SAMD3: variants seen among roughly 807,000 people sequenced by gnomAD.
SAMD3 encodes the protein sterile alpha motif domain-containing protein 3.
In SAMD3, 63 loss-of-function variants were observed where a neutral mutation model predicts 58.5. The ratio of observed to expected loss-of-function variants is 1.08; its 90% CI spans 0.88 to 1.33. The LOEUF (loss-of-function observed/expected upper bound fraction) is 1.33. Among genes scored for constraint, SAMD3 ranks in the 40% most tolerant of loss-of-function variants. SAMD3 has a pLI of 0.00. For missense variants in SAMD3, 604 were observed against 608.4 expected, an observed-to-expected ratio of 0.99 and a Z score of 0.08; for synonymous variants, 220 against 210.3, an observed-to-expected ratio of 1.05 and a Z score of -0.40.
chr6:130,174,464 C>T (rs982599014), intron 8 of SAMD3, among the ~76,000 whole-genome samples: 1 of 152,186 alleles, frequency 6.6e-6, no homozygotes, highest in Admixed American at 6.5e-5. Flanking sequence ...CCTCACCCAG[C>T]TTCTGTTCAT....
At chr6:130,226,600 G>A (rs900302105), upstream of SAMD3, among the ~76,000 whole-genome samples, 3 of 152,198 alleles carry the variant, frequency 2.0e-5, no homozygotes, top group African/African-American at 4.8e-5. Context: ...GCCAAGGCGG[G>A]TGCATCACCT....
chr6:130,365,522 C>A, upstream of SAMD3: 1 of 985,348 alleles, frequency 1.0e-6, no homozygotes, highest in Middle Eastern at 5.2e-4. Flanking sequence ...GTCCGAGGGG[C>A]GTGGAGCCAG....
At chr6:130,254,542 T>G (rs779029063) in intron 2 of SAMD3, among the ~76,000 whole-genome samples, 5 of 152,128 alleles carry the variant, frequency 3.3e-5, no homozygotes, top group South Asian at 2.1e-4. Context: ...TTGCCCAGGC[T>G]GGTCTCAAAT....
At chr6:130,238,840 C>A (rs181069982) in intron 2 of SAMD3, among the ~76,000 whole-genome samples, 312 of 152,244 alleles carry the variant, frequency 2.0e-3, no homozygotes, top group African/African-American at 6.6e-3. Context: ...CTCACTGCAA[C>A]CTGTGCCTCC....
rs542087823 is a variant in SAMD3 at position 130,209,510 on chromosome 6, C to T, written c.368G>A (p.Arg123Lys). 8 of 1,606,826 alleles carry T rather than the reference C, an allele frequency of 5.0e-6. No individual in the cohort carries two copies. The highest frequency in any genetic ancestry group is 1.7e-4 in the Middle Eastern group (1 of 5,994). Reference sequence around the variant, plus strand: ...GTACCCCCACCTCTGTTTCAATACTCTTTGGTCAATTAGTCCATTATCAAG... The same window carrying T: ...GTACCCCCACCTCTGTTTCAATACTTTTTGGTCAATTAGTCCATTATCAAG... ...ENLDNGLIDQ[R>K]VLKQRRNVKQ... Residue 123 changes from arginine to lysine, a missense_variant, in exon 5 of 12, where the codon AGA (arginine) becomes AAA (lysine). Physicochemically the swap from Arg to Lys is conservative, Grantham distance 26. Transcript: ENST00000439090.
chr6:130,190,773 A>C (rs1439000343), intron 5 of SAMD3, among the ~76,000 whole-genome samples: 1 of 152,068 alleles, frequency 6.6e-6, no homozygotes, highest in Non-Finnish European at 1.5e-5. Flanking sequence ...TCCATCATCC[A>C]ATTTTACATA....
chr6:130,362,740 G>C (rs11154573), intron 1 of SAMD3, among the ~76,000 whole-genome samples: 1 of 151,968 alleles, frequency 6.6e-6, no homozygotes, highest in Non-Finnish European at 1.5e-5. Context: ...TTAAGTAGTC[G>C]TATCAGCCTC....
chr6:130,279,781 G>A (rs776922065), intron 2 of SAMD3, among the ~76,000 whole-genome samples: 6 of 152,034 alleles, frequency 3.9e-5, no homozygotes, highest in Non-Finnish European at 5.9e-5. Flanking sequence ...CACTGTGCCT[G>A]GCCTAAACCT....
At chr6:130,165,914 A>T (rs1194751361) in intron 8 of SAMD3, among the ~76,000 whole-genome samples, 1 of 152,134 alleles carries the variant, frequency 6.6e-6, no homozygotes, top group African/African-American at 2.4e-5. Flanking sequence ...ACATCGAGCT[A>T]TGATGACATG....
At chr6:130,158,130 C>CA (rs1439489894) in intron 8 of SAMD3, among the ~76,000 whole-genome samples, 5 of 152,128 alleles carry the variant, frequency 3.3e-5, no homozygotes, top group Non-Finnish European at 2.9e-5. Flanking sequence ...CATCTTTCTC[C>CA]AAGTAGAGCT....
At chr6:130,255,364 T>C (rs1296168158) in intron 2 of SAMD3, among the ~76,000 whole-genome samples, 1 of 152,222 alleles carries the variant, frequency 6.6e-6, no homozygotes, top group African/African-American at 2.4e-5. Context: ...ATTTTCTATC[T>C]GGATGATCTG....
Position 130,154,942 on chromosome 6 carries a change from C to T in SAMD3, c.906G>A (p.Trp302Ter), listed in dbSNP as rs750566337. Residue 302 changes from tryptophan to a stop codon, truncating the protein, a stop_gained, in exon 9 of 12, where the codon TGG becomes TGA. Coordinates refer to ENST00000439090, the MANE Select transcript of SAMD3 (RefSeq NM_001017373.4). LOFTEE classifies it high-confidence loss of function. ...QQEYVKTEKD[W>*]REIDKRMSQT... ...GGCTCATTCTCTTGTCAATTTCTCT[C>T]CAGTCCTTTTCTGTTTTCACGTATT... 6.2e-7 allele frequency: 1 copy of T among 1,613,482 alleles called. No individual in the cohort carries two copies. Among genetic ancestry groups the T allele is most frequent in the South Asian group, 1.1e-5 (1 of 91,060 alleles).
chr6:130,318,108 C>A (rs1179843068), intron 1 of SAMD3, among the ~76,000 whole-genome samples: 1 of 152,102 alleles, frequency 6.6e-6, no homozygotes, highest in African/African-American at 2.4e-5. Context: ...GGATTAGAGG[C>A]GAAATCCTTG....
intron 1 of SAMD3, among the ~76,000 whole-genome samples, chr6:130,360,797 G>A (rs569403650): frequency 1.1e-4 from 16 of 152,222 alleles, no homozygotes; most frequent in Middle Eastern, 6.8e-3. Context: ...ATAGAAGATG[G>A]CCACACCCAA....
intron 10 of SAMD3, among the ~76,000 whole-genome samples, chr6:130,145,719 G>C (rs1019987955): frequency 6.6e-6 from 1 of 152,002 alleles, no homozygotes; most frequent in Non-Finnish European, 1.5e-5. Flanking sequence ...CTGGTTACTA[G>C]TTCCCTAAAT....
At chr6:130,323,802 C>CAAA (rs766078214) in intron 1 of SAMD3, among the ~76,000 whole-genome samples, 1,223 of 53,406 alleles carry the variant, frequency 0.023, 169 homozygotes, top group African/African-American at 0.085. Context: ...GACTCTGTCT[C>CAAA]AAAAAAAAAA....
At chr6:130,289,496 A>ATAT (rs202044153) in intron 2 of SAMD3, among the ~76,000 whole-genome samples, 88 of 151,300 alleles carry the variant, frequency 5.8e-4, no homozygotes, top group African/African-American at 1.9e-3. Context: ...TAAAGAAAAA[A>ATAT]AAATATATAT....
intron 7 of SAMD3, among the ~76,000 whole-genome samples, chr6:130,177,478 G>T (rs1791833691): frequency 6.6e-6 from 1 of 152,102 alleles, no homozygotes; most frequent in Admixed American, 6.5e-5. Flanking sequence ...TGGGCCTTCA[G>T]TTTGGGCCTG....
At chr6:130,170,478 G>C (rs1181759552) in intron 8 of SAMD3, among the ~76,000 whole-genome samples, 1 of 152,150 alleles carries the variant, frequency 6.6e-6, no homozygotes, top group Non-Finnish European at 1.5e-5. Flanking sequence ...CCAAGTCTTT[G>C]CGATTGTAAA....
Sources: gnomAD v4.1 joint callset for allele counts (sites outside exome capture counted in the v4.1 genomes callset) on GRCh38, gnomAD v4.1.1 for gene constraint, MANE v1.5 for transcripts, NCBI Gene and HGNC (gene_info 2026-07-23, HGNC 2026-07-21) for gene names.